DDX60L: variants seen among roughly 807,000 people sequenced by gnomAD.
DDX60L encodes the protein probable ATP-dependent RNA helicase DDX60-like.
A neutral mutation model predicts 211.6 loss-of-function variants in DDX60L; 191 were observed. The observed-to-expected ratio is 0.90, with a 90% CI of 0.80 to 1.02. The LOEUF (loss-of-function observed/expected upper bound fraction) is 1.02, where lower values mean the gene tolerates loss of function less well. DDX60L is among the 50% of genes least tolerant of loss of function. The pLI, the probability that DDX60L is intolerant of heterozygous loss-of-function variation, is 0.00. For synonymous variants in DDX60L, 706 were observed against 694.1 expected (o/e 1.02, Z -0.27); for missense variants, 2,007 against 1,984.1 (o/e 1.01, Z -0.22).
intron 29 of DDX60L, among the ~76,000 whole-genome samples, chr4:168,390,963 A>G (rs1421321560): frequency 7.0e-6 from 1 of 142,956 alleles, no homozygotes; most frequent in East Asian, 2.0e-4. Flanking sequence ...GATAACAAAA[A>G]CCTTTTTAAA....
intron 36 of DDX60L, among the ~76,000 whole-genome samples, chr4:168,369,363 C>G (rs919746870): frequency 2.6e-5 from 4 of 152,014 alleles, no homozygotes; most frequent in Admixed American, 6.6e-5. Flanking sequence ...CAACTTCCAT[C>G]ATGATTGTGA....
intron 10 of DDX60L, among the ~76,000 whole-genome samples, chr4:168,435,129 C>T (rs1328065613): frequency 2.0e-5 from 3 of 152,112 alleles, no homozygotes; most frequent in South Asian, 2.1e-4. Context: ...GCTTGTGGAA[C>T]GTCAGGTGAC....
intron 17 of DDX60L, 45 bp downstream of exon 17, chr4:168,421,715 G>A: frequency 6.2e-7 from 1 of 1,605,542 alleles, no homozygotes; most frequent in Non-Finnish European, 8.5e-7. Context: ...TTTTAAAGGG[G>A]ATGTTCAGGA....
At chr4:168,442,154 T>C (rs1048989695) in intron 9 of DDX60L, among the ~76,000 whole-genome samples, 130 of 151,844 alleles carry the variant, frequency 8.6e-4, no homozygotes, top group African/African-American at 2.7e-3. Context: ...GCGCACCGTG[T>C]GCGAGCCGAA....
Position 168,456,063 on chromosome 4 carries a change from G to A in DDX60L, c.813C>T (p.Ser271=). ...CTAAGACACGATGGTACATTCTCAA[G>A]GATAGTGAACATGAAGTGACACAGA... is the stretch of plus-strand genomic sequence containing the variant. ...RVLCVTSCSL[S]LRMYHRVLVH... The change falls in exon 7 of 38, where the codon TCC becomes TCT. Residue 271 remains serine, a synonymous_variant. Coordinates refer to ENST00000682922, the MANE Select transcript of DDX60L (RefSeq NM_001012967.3). The A allele has an allele frequency of 3.8e-6, 6 of 1,593,580 alleles. No homozygotes were observed. Among genetic ancestry groups the A allele is most frequent in the Non-Finnish European group, 5.1e-6 (6 of 1,172,026 alleles).
chr4:168,392,644 G>A (rs1163971162), intron 28 of DDX60L, among the ~76,000 whole-genome samples: 2 of 152,162 alleles, frequency 1.3e-5, no homozygotes, highest in East Asian at 3.9e-4. Flanking sequence ...AGGAGTTCGA[G>A]ACCAGCCTGA....
chr4:168,448,832 A>T, intron 8 of DDX60L, 53 bp from the exon 9 acceptor site: 1 of 1,531,690 alleles, frequency 6.5e-7, no homozygotes, highest in Non-Finnish European at 8.9e-7. Context: ...ATAATTTCAT[A>T]CTCCTGGTTA....
rs1199083466 is a variant in DDX60L, at chr4:168,442,785, A to C, written c.1139-1293T>G. Among the ~76,000 whole-genome samples the C allele has an allele frequency of 3.5e-3, 529 of 151,182 alleles. 2 individuals are homozygous for C. The highest frequency in any genetic ancestry group is 4.5e-3 in the African/African-American group (185 of 41,124). On this transcript the variant is annotated intron_variant, in intron 9 of 37. Transcript: ENST00000682922. ...GGGGCACACTGACACCTCACACGGC[A>C]GGGTACTCCAACAGACCTGCAGCTG... is the stretch of plus-strand genomic sequence containing the variant.
chr4:168,403,380 C>G (rs1273123348), intron 25 of DDX60L, among the ~76,000 whole-genome samples: 1 of 152,158 alleles, frequency 6.6e-6, no homozygotes, highest in African/African-American at 2.4e-5. Context: ...TTATTTTATG[C>G]AAATTTTCGT....
intron 36 of DDX60L, among the ~76,000 whole-genome samples, chr4:168,363,587 T>A (rs2149597387): frequency 6.6e-6 from 1 of 152,308 alleles, no homozygotes; most frequent in Admixed American, 6.5e-5. Flanking sequence ...CAAGAAAGTC[T>A]AAAATATTTT....
chr4:168,453,382 C>T, intron 7 of DDX60L, 100 bp from the exon 8 acceptor site: 1 of 1,274,790 alleles, frequency 7.8e-7, no homozygotes, highest in South Asian at 1.7e-5. Flanking sequence ...AGTTTTACAT[C>T]TACATTTGTG....
At chr4:168,415,555 A>G (rs754674978) in intron 21 of DDX60L, 38 bp from the exon 22 acceptor site, 5 of 1,465,678 alleles carry the variant, frequency 3.4e-6, no homozygotes, top group Non-Finnish European at 4.7e-6. Context: ...ATTAATGGAC[A>G]TACGATTATT....
chr4:168,401,120 T>C, intron 25 of DDX60L, 142 bp from the exon 26 acceptor site: 1 of 719,782 alleles, frequency 1.4e-6, no homozygotes, highest in Non-Finnish European at 2.2e-6. Context: ...ACTGAAAGAC[T>C]GGTTTAAGCC....
intron 11 of DDX60L, 124 bp downstream of exon 11, chr4:168,432,886 T>A: frequency 3.6e-6 from 2 of 555,296 alleles, no homozygotes; most frequent in Non-Finnish European, 6.3e-6. Context: ...TGTATTATAG[T>A]CACATTATAT....
chr4:168,406,154 G>A, intron 23 of DDX60L, 76 bp from the exon 24 acceptor site: 1 of 1,459,850 alleles, frequency 6.9e-7, no homozygotes, highest in South Asian at 1.3e-5. Flanking sequence ...ATGTATTTAA[G>A]TTTACTTGTC....
Position 168,371,617 on chromosome 4 carries a change from T to C in DDX60L, c.4923A>G (p.Lys1641=). ...AAACATACCCATAAACTTACCCATT[T>C]TTTTGGTCTAATCTTGTCAAGCAGT... The part of the protein sequence containing the change: ...KHNCLTRLDQ[K]NGMRMGQLLK... The change falls in exon 36 of 38, where the codon AAA becomes AAG. Residue 1641 remains lysine (K), a synonymous_variant. Coordinates refer to ENST00000682922, the MANE Select transcript of DDX60L (RefSeq NM_001012967.3). 6.5e-7 allele frequency: 1 copy of C among 1,549,774 alleles called. No individual in the cohort carries two copies. Among genetic ancestry groups the C allele is most frequent in the Non-Finnish European group, 8.7e-7 (1 of 1,144,892 alleles).
At chr4:168,420,425 G>C in intron 17 of DDX60L, 45 bp from the exon 18 acceptor site, 1 of 1,562,208 alleles carries the variant, frequency 6.4e-7, no homozygotes, top group East Asian at 2.3e-5. Context: ...GTAGAGAAGA[G>C]ACATATAAAA....
At chr4:168,401,037 C>T in intron 25 of DDX60L, 59 bp from the exon 26 acceptor site, 1 of 1,509,256 alleles carries the variant, frequency 6.6e-7, no homozygotes, top group Non-Finnish European at 9.0e-7. Flanking sequence ...TATTGTAAAC[C>T]AAAAATAAAA....
intron 22 of DDX60L, among the ~76,000 whole-genome samples, chr4:168,411,762 G>A (rs150223008): frequency 6.6e-5 from 10 of 152,206 alleles, no homozygotes; most frequent in African/African-American, 2.4e-4. Flanking sequence ...ACCAGCTGAG[G>A]AGAGCTAGGG....
Sources: gnomAD v4.1 joint callset for allele counts (sites outside exome capture counted in the v4.1 genomes callset) on GRCh38, gnomAD v4.1.1 for gene constraint, MANE v1.5 for transcripts, NCBI Gene and HGNC (gene_info 2026-07-23, HGNC 2026-07-21) for gene names.